Variants in MKRN1 observed in about 807,000 individuals in gnomAD.
MKRN1 encodes makorin ring finger protein 1, also known as E3 ubiquitin-protein ligase makorin-1.
A neutral mutation model predicts 55.5 loss-of-function variants in MKRN1; 9 were observed. The observed-to-expected ratio is 0.16, with a 90% CI of 0.10 to 0.28. MKRN1 has a LOEUF of 0.28. Among genes scored for constraint, MKRN1 ranks in the 10% least tolerant of loss-of-function variants. The pLI is 1.00. For synonymous variants in MKRN1, 253 were observed against 235.9 expected, an observed-to-expected ratio of 1.07 and a Z score of -0.66; for missense variants, 488 against 626.7, an observed-to-expected ratio of 0.78 and a Z score of 2.36.
At position 140,453,118 on chromosome 7, in the gene MKRN1, C is replaced by G. The variant is rs1048128359; in HGVS notation, c.*1399G>C. On this transcript the variant is annotated 3_prime_UTR_variant, in exon 8 of 8. Transcript: ENST00000255977. ...AAGGGCAGCTGCAAAATACAGAGAC[C>G]TCTGCAACAATTATTTGTTTTTTCT... 6.6e-6 allele frequency: 1 copy of G among 152,492 alleles called. No homozygotes were observed. The highest frequency in any genetic ancestry group is 1.5e-5 in the Non-Finnish European group (1 of 68,026). The allele number at this position is 152,492 out of a possible 1,614,324, so 9.4% of individuals were successfully genotyped here.
At chr7:140,474,873 C>A (rs185357155) in intron 1 of MKRN1, among the ~76,000 whole-genome samples, 41 of 151,972 alleles carry the variant, frequency 2.7e-4, no homozygotes, top group Non-Finnish European at 5.6e-4. Flanking sequence ...TGCCCGCCAC[C>A]ACGCCCAGCT....
At chr7:140,458,899 T>C (rs899006355) in intron 4 of MKRN1, 108 bp downstream of exon 4, 4 of 1,197,438 alleles carry the variant, frequency 3.3e-6, no homozygotes, top group South Asian at 1.4e-5. Context: ...TACTCACTGA[T>C]AACCATTCAA....
chr7:140,460,521 G>C (rs556348069), intron 2 of MKRN1, among the ~76,000 whole-genome samples: 2 of 151,728 alleles, frequency 1.3e-5, no homozygotes, highest in Non-Finnish European at 2.9e-5. Flanking sequence ...GGCTGATCTC[G>C]AACTCCTGAC....
rs1795226455 is a variant in MKRN1 at position 140,479,403 on chromosome 7, C to A, written c.-59G>T. 2.4e-6 allele frequency: 3 copies of A among 1,258,924 alleles called. No homozygotes were observed. Among genetic ancestry groups the A allele is most frequent in the Non-Finnish European group, 3.0e-6 (3 of 996,212 alleles). The allele number at this position is 1,258,924 out of a possible 1,614,324, so 78.0% of individuals were successfully genotyped here. ...CTTCCGGGATCACATAGTTCCGGTC[C>A]GGCTGCGGGGAGAGGACGGCGAGGC... is the stretch of plus-strand genomic sequence containing the variant. On this transcript the variant is annotated 5_prime_UTR_variant, in exon 1 of 8. Transcript: ENST00000255977.
intron 2 of MKRN1, among the ~76,000 whole-genome samples, chr7:140,465,226 G>C (rs1027724859): frequency 6.6e-6 from 1 of 152,044 alleles, no homozygotes; most frequent in Non-Finnish European, 1.5e-5. Flanking sequence ...GGCCAGGCAC[G>C]GTAGTTCACA....
chr7:140,455,292 A>G, intron 6 of MKRN1, 59 bp from the exon 7 acceptor site: 2 of 1,601,818 alleles, frequency 1.2e-6, no homozygotes, highest in South Asian at 1.1e-5. Context: ...GTATTTGACT[A>G]TCATCCGGGG....
At position 140,454,805 on chromosome 7, in the gene MKRN1, G is replaced by A. The variant is rs980852144; in HGVS notation, c.1237-76C>T. 5.7e-5 allele frequency: 83 copies of A among 1,446,632 alleles called. No homozygotes were observed. In the Admixed American group the frequency reaches 1.2e-3, roughly 21 times the overall value. The allele number at this position is 1,446,632 out of a possible 1,614,324, so 89.6% of individuals were successfully genotyped here. A position where few individuals can be genotyped will look rare whatever the true frequency, so the allele number is the denominator to read the frequency against. On this transcript the variant is annotated intron_variant, in intron 7 of 7. Coordinates refer to ENST00000255977, the MANE Select transcript of MKRN1 (RefSeq NM_013446.4). ...TATCCTGTTGTTTATAAGGCAAAAC[G>A]TCCAGCACACCAGAGGGCATGACGA...
At chr7:140,471,774 C>T (rs1794934166) in intron 2 of MKRN1, 109 bp downstream of exon 2, 2 of 1,445,168 alleles carry the variant, frequency 1.4e-6, no homozygotes, top group African/African-American at 1.4e-5. Flanking sequence ...AGCCAAGAGT[C>T]ATTTTCAAAG....
At chr7:140,457,713 T>TA (rs914565341) in intron 4 of MKRN1, among the ~76,000 whole-genome samples, 1 of 150,854 alleles carries the variant, frequency 6.6e-6, no homozygotes, top group Non-Finnish European at 1.5e-5. Context: ...AAAATAAAAA[T>TA]AAAAAAAATA....
chr7:140,469,339 T>A (rs1010580226), intron 2 of MKRN1, among the ~76,000 whole-genome samples: 1 of 150,440 alleles, frequency 6.6e-6, no homozygotes. Flanking sequence ...AAAAAAAAAA[T>A]TTACTATGAC....
At chr7:140,467,833 C>T (rs943905737) in intron 2 of MKRN1, among the ~76,000 whole-genome samples, 29 of 151,648 alleles carry the variant, frequency 1.9e-4, no homozygotes, top group African/African-American at 6.5e-4. Context: ...AGAAACCCCG[C>T]CTCTACTAAA....
rs747301958 is a variant in MKRN1, at chr7:140,455,085, TGA to T, written c.1236+8_1236+9del. 5.6e-6 allele frequency: 9 copies of T among 1,612,264 alleles called. No homozygotes were observed. Among genetic ancestry groups the T allele is most frequent in the African/African-American group, 2.7e-5 (2 of 74,880 alleles). ...AATTTCCCCTCCTTTAAAAAAACAG[TGA>T]GAGTTACCCGGTATCTGCTTGATGT... On this transcript the variant is annotated splice_region_variant and intron_variant, in intron 7 of 7. Transcript: ENST00000255977.
chr7:140,462,467 A>T (rs1188170900), intron 2 of MKRN1, among the ~76,000 whole-genome samples: 2 of 152,326 alleles, frequency 1.3e-5, no homozygotes, highest in East Asian at 3.9e-4. Flanking sequence ...CTATGTTTAT[A>T]CGCAAAAATA....
At chr7:140,471,853 C>T (rs1317761482) in intron 2 of MKRN1, 30 bp downstream of exon 2, 1 of 1,608,258 alleles carries the variant, frequency 6.2e-7, no homozygotes, top group South Asian at 1.1e-5. Flanking sequence ...TCCAACCCAC[C>T]CCTGAACAAA....
intron 7 of MKRN1, 106 bp downstream of exon 7, chr7:140,454,989 G>A (rs1794426032): frequency 1.2e-5 from 17 of 1,451,828 alleles, no homozygotes; most frequent in South Asian, 3.9e-5. Context: ...CTACACTTTC[G>A]CTCCCAGACC....
intron 2 of MKRN1, among the ~76,000 whole-genome samples, chr7:140,467,614 G>A (rs1174989511): frequency 2.6e-5 from 4 of 152,072 alleles, no homozygotes; most frequent in Non-Finnish European, 4.4e-5. Context: ...CTGCCTCAAC[G>A]TCAGAGGCTC....
chr7:140,470,046 CAAAAAAA>C (rs35753653), intron 2 of MKRN1, among the ~76,000 whole-genome samples: 3 of 51,102 alleles, frequency 5.9e-5, no homozygotes, highest in Non-Finnish European at 9.7e-5. Context: ...GGCTCTGTCT[CAAAAAAA>C]AAAAAAAAAA....
intron 2 of MKRN1, among the ~76,000 whole-genome samples, chr7:140,469,712 A>G (rs1794867081): frequency 6.6e-6 from 1 of 152,120 alleles, no homozygotes; most frequent in Non-Finnish European, 1.5e-5. Context: ...CAGGAATTTG[A>G]GACCAGCCTG....
At chr7:140,463,692 T>G (rs1053628423) in intron 2 of MKRN1, among the ~76,000 whole-genome samples, 4 of 151,974 alleles carry the variant, frequency 2.6e-5, no homozygotes, top group South Asian at 4.2e-4. Context: ...GAGACCATCC[T>G]GGCTAACACG....
Sources: allele counts gnomAD v4.1 joint callset (sites outside exome capture counted in the v4.1 genomes callset), GRCh38; gene constraint gnomAD v4.1.1; transcripts MANE v1.5; gene names NCBI Gene and HGNC (gene_info 2026-07-23, HGNC 2026-07-21).